Variants in COG5 observed in about 807,000 individuals in gnomAD.
COG5 encodes the protein conserved oligomeric Golgi complex subunit 5.
In COG5, 86 loss-of-function variants were observed where a neutral mutation model predicts 110.4. That is an observed-to-expected ratio of 0.78 (90% CI 0.65 to 0.93). COG5 has a LOEUF of 0.93. Among genes scored for constraint, COG5 ranks in the 40% least tolerant of loss-of-function variants. COG5 has a pLI of 0.00. For missense variants in COG5, 1,077 were observed against 987.0 expected, an observed-to-expected ratio of 1.09 and a Z score of -1.22; for synonymous variants, 360 against 334.6, an observed-to-expected ratio of 1.08 and a Z score of -0.83.
chr7:107,457,207 A>G (rs564287020), intron 6 of COG5, among the ~76,000 whole-genome samples: 1 of 95,794 alleles, frequency 1.0e-5, no homozygotes, highest in Non-Finnish European at 1.9e-5. Context: ...GAAATTAATC[A>G]AATAAAACTT....
intron 6 of COG5, among the ~76,000 whole-genome samples, chr7:107,492,828 A>G (rs900843554): frequency 6.6e-6 from 1 of 152,100 alleles, no homozygotes. Flanking sequence ...TAACATATTC[A>G]TAGGTTCCAA....
chr7:107,437,414 T>C (rs1361478479), intron 6 of COG5, among the ~76,000 whole-genome samples: 1 of 152,184 alleles, frequency 6.6e-6, no homozygotes, highest in East Asian at 1.9e-4. Flanking sequence ...TTAAGAACCA[T>C]AGTAACTTCT....
intron 8 of COG5, among the ~76,000 whole-genome samples, chr7:107,370,352 T>C (rs1814026272): frequency 6.6e-6 from 1 of 152,194 alleles, no homozygotes; most frequent in South Asian, 2.1e-4. Flanking sequence ...CTGAACCACC[T>C]GGAAGTTACT....
intron 10 of COG5, among the ~76,000 whole-genome samples, chr7:107,325,889 C>T (rs1809724014): frequency 6.6e-6 from 1 of 152,036 alleles, no homozygotes; most frequent in South Asian, 2.1e-4. Context: ...TAATCATAAA[C>T]AAGGCAAATC....
chr7:107,543,422 GC>G (rs1802193909), intron 5 of COG5, among the ~76,000 whole-genome samples: 1 of 152,058 alleles, frequency 6.6e-6, no homozygotes, highest in Non-Finnish European at 1.5e-5. Flanking sequence ...TGGGCAGGCT[GC>G]CCCCGCCCGA....
chr7:107,282,521 C>G (rs1805257830), intron 13 of COG5, among the ~76,000 whole-genome samples: 1 of 152,026 alleles, frequency 6.6e-6, no homozygotes, highest in African/African-American at 2.4e-5. Context: ...ATACATGTGG[C>G]TTTTTATTTT....
At chr7:107,368,341 T>C (rs936090205) in intron 8 of COG5, among the ~76,000 whole-genome samples, 2 of 152,134 alleles carry the variant, frequency 1.3e-5, no homozygotes, top group African/African-American at 4.8e-5. Flanking sequence ...CTGGTGGGGC[T>C]AAACTATGGT....
rs192517762 is a variant in COG5, at chr7:107,313,394, C to A, written c.1108+11046G>T. Among the ~76,000 whole-genome samples, 410 of 152,300 alleles carry A rather than the reference C, an allele frequency of 2.7e-3. 5 individuals carry two copies. Among genetic ancestry groups the A allele is most frequent in the African/African-American group, 8.9e-3 (370 of 41,584 alleles). ...GAATATTAACAAGCATGTGGAAAAA[C>A]TAGAACTCTCATATACTGCCAAGGA... On this transcript the variant is annotated intron_variant, in intron 11 of 21. Transcript: ENST00000297135.
chr7:107,368,477 G>A (rs1349924664), intron 8 of COG5, among the ~76,000 whole-genome samples: 1 of 152,062 alleles, frequency 6.6e-6, no homozygotes, highest in Non-Finnish European at 1.5e-5. Context: ...TTGGTACGGA[G>A]TACATAAACA....
intron 6 of COG5, among the ~76,000 whole-genome samples, chr7:107,506,495 C>A (rs1799016186): frequency 6.6e-6 from 1 of 152,118 alleles, no homozygotes; most frequent in African/African-American, 2.4e-5. Context: ...GTTTCTCTGG[C>A]ACTGGGGTAA....
intron 6 of COG5, among the ~76,000 whole-genome samples, chr7:107,517,514 T>G (rs1203086737): frequency 6.6e-6 from 1 of 151,962 alleles, no homozygotes; most frequent in Non-Finnish European, 1.5e-5. Flanking sequence ...AGATATTCCA[T>G]GAGAAGATAA....
At chr7:107,332,821 A>AG (rs974825804) in intron 10 of COG5, among the ~76,000 whole-genome samples, 3 of 152,236 alleles carry the variant, frequency 2.0e-5, no homozygotes, top group Non-Finnish European at 2.9e-5. Flanking sequence ...TTTTAAAAAA[A>AG]TATTTAGATG....
At chr7:107,469,614 A>G (rs1179765855) in intron 6 of COG5, among the ~76,000 whole-genome samples, 1 of 152,180 alleles carries the variant, frequency 6.6e-6, no homozygotes, top group African/African-American at 2.4e-5. Flanking sequence ...CAAACTATTT[A>G]AAATTCACTG....
chr7:107,376,284 T>G (rs1042221331), intron 7 of COG5, among the ~76,000 whole-genome samples: 2 of 152,044 alleles, frequency 1.3e-5, no homozygotes, highest in Non-Finnish European at 2.9e-5. Flanking sequence ...CATATAAATT[T>G]CAAAATTGGC....
chr7:107,262,838 T>A (rs1803471749), intron 14 of COG5, among the ~76,000 whole-genome samples: 1 of 152,192 alleles, frequency 6.6e-6, no homozygotes, highest in African/African-American at 2.4e-5. Context: ...GCTGAGTGAC[T>A]TGTAGCTTCA....
intron 7 of COG5, among the ~76,000 whole-genome samples, chr7:107,378,730 G>C (rs181541674): frequency 6.4e-4 from 98 of 152,218 alleles, no homozygotes; most frequent in Non-Finnish European, 1.3e-3. Flanking sequence ...AGAGGAAAGA[G>C]TGAAAAGAAA....
intron 14 of COG5, among the ~76,000 whole-genome samples, chr7:107,261,019 G>A (rs941679700): frequency 4.0e-5 from 6 of 151,748 alleles, no homozygotes; most frequent in African/African-American, 1.5e-4. Context: ...TTGGTTCCAG[G>A]ACCGTAACAC....
At chr7:107,242,656 C>T (rs563890484) in intron 17 of COG5, among the ~76,000 whole-genome samples, 67 of 152,352 alleles carry the variant, frequency 4.4e-4, no homozygotes, top group Non-Finnish European at 9.4e-4. Flanking sequence ...CTCCAACAAG[C>T]TGCAGTCAAC....
At chr7:107,205,764 A>C (rs1246561602) in intron 21 of COG5, among the ~76,000 whole-genome samples, 1 of 152,082 alleles carries the variant, frequency 6.6e-6, no homozygotes, top group East Asian at 1.9e-4. Context: ...AGGCAGCAGG[A>C]AAGAATGGAA....
Sources: gnomAD v4.1 joint callset for allele counts (sites outside exome capture counted in the v4.1 genomes callset) on GRCh38, gnomAD v4.1.1 for gene constraint, MANE v1.5 for transcripts, NCBI Gene and HGNC (gene_info 2026-07-23, HGNC 2026-07-21) for gene names.